FGF12: variants seen among roughly 807,000 people sequenced by gnomAD.
The protein encoded by FGF12 is fibroblast growth factor 12B.
FGF12 carries 14 observed loss-of-function variants against 23.6 expected under a neutral mutation model. That is an observed-to-expected ratio of 0.59 (90% CI 0.39 to 0.93). FGF12 has a LOEUF of 0.93. FGF12 is among the 40% of genes least tolerant of loss of function. FGF12 has a pLI of 0.00. For synonymous variants in FGF12, 62 were observed against 77.3 expected (o/e 0.80, Z 1.04); for missense variants, 175 against 217.8 (o/e 0.80, Z 1.24).
At chr3:192,657,072 A>G (rs537540618) in intron 2 of FGF12, among the ~76,000 whole-genome samples, 1 of 151,610 alleles carries the variant, frequency 6.6e-6, no homozygotes, top group Non-Finnish European at 1.5e-5. Context: ...AATGGTTGCT[A>G]TTCTGGATAT....
intron 5 of FGF12, among the ~76,000 whole-genome samples, chr3:192,156,827 T>C (rs748473878): frequency 9.9e-5 from 15 of 152,222 alleles, no homozygotes; most frequent in Non-Finnish European, 1.8e-4. Context: ...GAAGCATTTC[T>C]TTTTGGTTCT....
intron 2 of FGF12, among the ~76,000 whole-genome samples, chr3:192,547,943 G>A (rs1301123820): frequency 3.3e-5 from 5 of 152,088 alleles, no homozygotes; most frequent in African/African-American, 9.7e-5. Flanking sequence ...AAAATTTACT[G>A]GAGGCCTCTG....
intron 2 of FGF12, among the ~76,000 whole-genome samples, chr3:192,369,454 C>T (rs1261181244): frequency 3.3e-5 from 5 of 152,192 alleles, no homozygotes; most frequent in African/African-American, 1.2e-4. Context: ...GACAGGCAAT[C>T]CTCAATCTTC....
chr3:192,636,131 C>T (rs1715573527), intron 2 of FGF12, among the ~76,000 whole-genome samples: 2 of 152,050 alleles, frequency 1.3e-5, no homozygotes, highest in Non-Finnish European at 2.9e-5. Context: ...GTACTGAGAC[C>T]TTTCTGCTCA....
intron 2 of FGF12, among the ~76,000 whole-genome samples, chr3:192,660,960 G>A (rs1300956593): frequency 1.3e-5 from 2 of 148,670 alleles, no homozygotes; most frequent in African/African-American, 5.0e-5. Context: ...TGTTCTGAAA[G>A]TGCAGAAGAA....
intron 4 of FGF12, among the ~76,000 whole-genome samples, chr3:192,299,881 CT>C (rs1158570871): frequency 6.6e-6 from 1 of 152,186 alleles, no homozygotes; most frequent in Non-Finnish European, 1.5e-5. Flanking sequence ...CTAAGATAGT[CT>C]TTCCACAGAT....
chr3:192,440,760 T>C (rs1366718575), intron 2 of FGF12, among the ~76,000 whole-genome samples: 1 of 152,212 alleles, frequency 6.6e-6, no homozygotes, highest in African/African-American at 2.4e-5. Flanking sequence ...GTAAAACAAT[T>C]GATGCCCTAT....
chr3:192,679,499 G>A (rs1717443516), intron 2 of FGF12, among the ~76,000 whole-genome samples: 1 of 152,068 alleles, frequency 6.6e-6, no homozygotes, highest in East Asian at 1.9e-4. Flanking sequence ...TCAGGAGGTG[G>A]GAGGTCAGAG....
chr3:192,355,718 A>G (rs192204868), intron 3 of FGF12, among the ~76,000 whole-genome samples: 7 of 152,342 alleles, frequency 4.6e-5, no homozygotes, highest in Admixed American at 6.5e-5. Context: ...GTGTAATTCT[A>G]TGGCTACTAT....
At chr3:192,319,702 G>A (rs1029617462) in intron 4 of FGF12, among the ~76,000 whole-genome samples, 1 of 152,142 alleles carries the variant, frequency 6.6e-6, no homozygotes, top group African/African-American at 2.4e-5. Flanking sequence ...GCAAGGGGAT[G>A]AATCTAACAT....
intron 2 of FGF12, among the ~76,000 whole-genome samples, chr3:192,512,860 A>ATAT (rs1183426762): frequency 9.5e-6 from 1 of 105,468 alleles, no homozygotes; most frequent in African/African-American, 3.3e-5. Flanking sequence ...ATATATATAT[A>ATAT]ACAGGCTATG....
chr3:192,305,679 A>AAAAAATATATATATATAT (rs1423738741), intron 4 of FGF12, among the ~76,000 whole-genome samples: 1 of 131,936 alleles, frequency 7.6e-6, no homozygotes, highest in African/African-American at 3.0e-5. Context: ...AAAAAAAAAA[A>AAAAAATATATATATATAT]ATATATATAT....
chr3:192,210,645 T>A (rs1431787009), intron 4 of FGF12, among the ~76,000 whole-genome samples: 2 of 152,200 alleles, frequency 1.3e-5, no homozygotes, highest in Non-Finnish European at 2.9e-5. Context: ...CCTCGGTATT[T>A]GTCATAGAAT....
intron 4 of FGF12, among the ~76,000 whole-genome samples, chr3:192,335,083 C>T (rs544358904): frequency 1.3e-5 from 2 of 152,180 alleles, no homozygotes; most frequent in South Asian, 4.1e-4. Flanking sequence ...TTGAATTAAA[C>T]AGAAAGGTAA....
chr3:192,250,255 A>C (rs1447039988), intron 4 of FGF12, among the ~76,000 whole-genome samples: 1 of 152,140 alleles, frequency 6.6e-6, no homozygotes, highest in African/African-American at 2.4e-5. Flanking sequence ...GAAATGCCAC[A>C]TTTAGCCAAA....
At chr3:192,528,584 C>T (rs1033038551) in intron 2 of FGF12, among the ~76,000 whole-genome samples, 6 of 152,138 alleles carry the variant, frequency 3.9e-5, no homozygotes, top group African/African-American at 1.4e-4. Flanking sequence ...AGTAGGGACC[C>T]TGTGTGGGGG....
In FGF12 at chr3:192,541,464, AT is replaced by A. The variant is rs1304182608; in HGVS notation, c.14-180927del. ...TTTTAACTTTTTGCTATTTCTATTT[AT>A]ATCTTATTACACTATCTGTATCTTG... On this transcript the variant is annotated intron_variant, in intron 2 of 5. Coordinates refer to ENST00000445105, the MANE Select transcript of FGF12 (RefSeq NM_004113.6). Among the ~76,000 whole-genome samples the A allele has an allele frequency of 3.3e-5, 5 of 152,246 alleles. No individual in the cohort carries two copies. In the East Asian group the frequency reaches 9.7e-4, roughly 29 times the overall value.
At chr3:192,559,845 T>TA (rs35953021) in intron 2 of FGF12, among the ~76,000 whole-genome samples, 151,858 of 151,878 alleles carry the variant, frequency 1, 75,919 homozygotes, top group Middle Eastern at 1. Context: ...GTTAATGAAT[T>TA]AAAAAAATCA....
At chr3:192,327,093 T>C (rs1377704553) in intron 4 of FGF12, among the ~76,000 whole-genome samples, 1 of 152,166 alleles carries the variant, frequency 6.6e-6, no homozygotes, top group Non-Finnish European at 1.5e-5. Context: ...GTCACCAGAG[T>C]GGGCTTATTT....
Sources: gnomAD v4.1 joint callset for allele counts (sites outside exome capture counted in the v4.1 genomes callset) on GRCh38, gnomAD v4.1.1 for gene constraint, MANE v1.5 for transcripts, NCBI Gene and HGNC (gene_info 2026-07-23, HGNC 2026-07-21) for gene names.